Variants in HSF2 observed in about 807,000 individuals in gnomAD.
The protein encoded by HSF2 is heat shock transcription factor 2, also known as heat shock factor protein 2.
Under a neutral mutation model 65.0 loss-of-function variants are expected in HSF2, and 21 were observed. The ratio of observed to expected loss-of-function variants is 0.32; its 90% CI spans 0.23 to 0.47. The LOEUF (loss-of-function observed/expected upper bound fraction) is 0.47, where lower values mean the gene tolerates loss of function less well. Ranked by LOEUF, HSF2 falls within the 20% of genes least tolerant of loss-of-function variation. The pLI, the probability that HSF2 is intolerant of heterozygous loss-of-function variation, is 1.00. For synonymous variants in HSF2, 225 were observed against 219.1 expected (o/e 1.03, Z -0.24); for missense variants, 499 against 628.1 (o/e 0.79, Z 2.20).
At chr6:122,405,561 G>A (rs1454363265) in intron 1 of HSF2, among the ~76,000 whole-genome samples, 1 of 152,120 alleles carries the variant, frequency 6.6e-6, no homozygotes, top group Non-Finnish European at 1.5e-5. Context: ...CTTATTGGAA[G>A]GAATATGGCC....
At chr6:122,420,353 G>T in intron 7 of HSF2, 131 bp downstream of exon 7, 3 of 613,830 alleles carry the variant, frequency 4.9e-6, no homozygotes, top group Non-Finnish European at 7.8e-6. Context: ...TTGTTAAATT[G>T]TGACATTTTT....
intron 1 of HSF2, among the ~76,000 whole-genome samples, chr6:122,405,170 G>C (rs951818823): frequency 2.0e-5 from 3 of 151,144 alleles, no homozygotes; most frequent in Non-Finnish European, 4.4e-5. Context: ...TCGTAGTTCT[G>C]GGTACTGGGG....
chr6:122,402,003 A>G (rs561372310), intron 1 of HSF2, among the ~76,000 whole-genome samples: 1 of 152,236 alleles, frequency 6.6e-6, no homozygotes, highest in Non-Finnish European at 1.5e-5. Flanking sequence ...GCGGCCCAGC[A>G]CAAATTCATA....
chr6:122,421,638 A>G (rs1283782851), intron 7 of HSF2, among the ~76,000 whole-genome samples: 1 of 152,090 alleles, frequency 6.6e-6, no homozygotes, highest in Non-Finnish European at 1.5e-5. Context: ...AAGTTTAAAA[A>G]AAAATCATTG....
At position 122,399,680 on chromosome 6, in the gene HSF2, C is replaced by CGCCGTAGCT. The variant is rs2114411014; in HGVS notation, c.-54_-53insTAGCTGCCG. ...CTCGGGGAGCTGCTGCCGTAGCTGC[C>CGCCGTAGCT]GCCGCCGCTACCACCGCGTTCGGGT... On this transcript the variant is annotated 5_prime_UTR_variant, in exon 1 of 13. Transcript: ENST00000368455. The CGCCGTAGCT allele has an allele frequency of 7.0e-7, 1 of 1,434,792 alleles. No individual in the cohort carries two copies. The highest frequency in any genetic ancestry group is 9.7e-7 in the Non-Finnish European group (1 of 1,029,114). The allele number at this position is 1,434,792 out of a possible 1,614,324, so 88.9% of individuals were successfully genotyped here. A position where few individuals can be genotyped will look rare whatever the true frequency, so the allele number is the denominator to read the frequency against.
intron 10 of HSF2, among the ~76,000 whole-genome samples, chr6:122,425,046 A>G (rs1283251487): frequency 2.6e-5 from 4 of 151,804 alleles, no homozygotes; most frequent in African/African-American, 7.3e-5. Context: ...CCTTAAACCA[A>G]TGTGTACCCC....
chr6:122,423,440 A>G (rs538572238), intron 9 of HSF2, 141 bp from the exon 10 acceptor site: 2 of 495,058 alleles, frequency 4.0e-6, no homozygotes. Context: ...CCTACTCTAG[A>G]ATAAGATCTC....
chr6:122,416,119 C>T, intron 4 of HSF2, 102 bp from the exon 5 acceptor site: 2 of 696,848 alleles, frequency 2.9e-6, no homozygotes, highest in Non-Finnish European at 4.9e-6. Flanking sequence ...ATAGTAAAAA[C>T]AAGTGTAGTT....
intron 1 of HSF2, among the ~76,000 whole-genome samples, chr6:122,405,367 C>G (rs1219781927): frequency 6.6e-6 from 1 of 151,510 alleles, no homozygotes; most frequent in Admixed American, 6.6e-5. Flanking sequence ...GGTTAAGATG[C>G]AATCATAAGT....
Position 122,422,186 on chromosome 6 carries a change from G to A in HSF2, c.718G>A (p.Glu240Lys), listed in dbSNP as rs781611364. Reference protein sequence around the residue: ...HSRTEGLKPRERISDDIIIYD... With the variant: ...HSRTEGLKPRKRISDDIIIYD... ...TAGGACTGAAGGTTTAAAGCCAAGG[G>A]AGAGGATTTCAGATGACATCATTAT... is the stretch of plus-strand genomic sequence containing the variant. Residue 240 changes from glutamate (E) to lysine (K), a missense_variant, in exon 8 of 13, where the codon GAG becomes AAG. Transcript: ENST00000368455. 6.2e-7 allele frequency: 1 copy of A among 1,606,666 alleles called. No homozygotes were observed. The highest frequency in any genetic ancestry group is 1.7e-5 in the Admixed American group (1 of 59,850).
intron 8 of HSF2, 28 bp downstream of exon 8, chr6:122,422,326 G>A: frequency 6.8e-7 from 1 of 1,476,424 alleles, no homozygotes; most frequent in South Asian, 1.2e-5. Context: ...TAAAATGTAT[G>A]AAAATATTGA....
chr6:122,431,324 A>G lies in HSF2; in HGVS notation c.1231-106A>G. On this transcript the variant is annotated intron_variant, in intron 11 of 12. Transcript: ENST00000368455. ...TTTCCCTGATGTTTCCCCATCTCATATATTTCAGATAATATACCAGTATTT... is the reference window on the plus strand; with the variant it reads ...TTTCCCTGATGTTTCCCCATCTCATGTATTTCAGATAATATACCAGTATTT... The G allele has an allele frequency of 1.2e-5, 5 of 430,924 alleles. No homozygotes were observed. The East Asian group carries it at 1.9e-4, about 17-fold the overall frequency. The allele number at this position is 430,924 out of a possible 1,614,324, so 26.7% of individuals were successfully genotyped here. A position where few individuals can be genotyped will look rare whatever the true frequency, so the allele number is the denominator to read the frequency against.
intron 1 of HSF2, among the ~76,000 whole-genome samples, chr6:122,404,901 C>T (rs1238326247): frequency 1.3e-5 from 2 of 152,062 alleles, no homozygotes; most frequent in Non-Finnish European, 2.9e-5. Context: ...AGAGTGAGCA[C>T]AGGTATAGCA....
chr6:122,419,407 T>C (rs1488549552), intron 6 of HSF2, among the ~76,000 whole-genome samples, 178 bp downstream of exon 6: 5 of 152,194 alleles, frequency 3.3e-5, no homozygotes, highest in Non-Finnish European at 7.3e-5. Context: ...GTTTTATCAT[T>C]CTGCTGATGT....
At chr6:122,409,044 G>A (rs1471709118) in intron 1 of HSF2, among the ~76,000 whole-genome samples, 1 of 152,002 alleles carries the variant, frequency 6.6e-6, no homozygotes, top group East Asian at 1.9e-4. Flanking sequence ...ATCAGGGACA[G>A]AGCTGTAGAT....
In HSF2 at chr6:122,414,102, G is replaced by A. The variant is rs45505892; in HGVS notation, c.455+453G>A. On this transcript the variant is annotated intron_variant, in intron 4 of 12. Transcript: ENST00000368455. ...GGAAAAAGTAGGACACAAAAAAATC[G>A]GAAAACGATGCAGGAGAGTTGCCAT... Among the ~76,000 whole-genome samples, 558 of 152,138 alleles carry A rather than the reference G, an allele frequency of 3.7e-3. 4 individuals carry two copies. Among genetic ancestry groups the A allele is most frequent in the African/African-American group, 0.012 (515 of 41,506 alleles).
chr6:122,423,813 A>C, intron 10 of HSF2, 127 bp downstream of exon 10: 2 of 493,688 alleles, frequency 4.1e-6, no homozygotes, highest in Non-Finnish European at 3.6e-6. Context: ...TAAATTAATA[A>C]TTTTGTTTAT....
chr6:122,407,809 T>C (rs1340034762), intron 1 of HSF2, among the ~76,000 whole-genome samples: 1 of 152,146 alleles, frequency 6.6e-6, no homozygotes, highest in East Asian at 1.9e-4. Flanking sequence ...TAGCAAGATA[T>C]CATAGACCAG....
intron 7 of HSF2, among the ~76,000 whole-genome samples, chr6:122,421,108 C>T (rs2114446285): frequency 6.6e-6 from 1 of 151,900 alleles, no homozygotes; most frequent in Non-Finnish European, 1.5e-5. Context: ...ATTCTATTTT[C>T]AACTTTTTTT....
Sources: gnomAD v4.1 joint callset for allele counts (sites outside exome capture counted in the v4.1 genomes callset) on GRCh38, gnomAD v4.1.1 for gene constraint, MANE v1.5 for transcripts, NCBI Gene and HGNC (gene_info 2026-07-23, HGNC 2026-07-21) for gene names.